CDH6: variants seen among roughly 807,000 people sequenced by gnomAD.
CDH6 encodes the protein cadherin-6.
In CDH6, 31 loss-of-function variants were observed where a neutral mutation model predicts 78.0. The observed-to-expected ratio is 0.40, with a 90% CI of 0.30 to 0.54. The LOEUF is 0.54. Among genes scored for constraint, CDH6 ranks in the 20% least tolerant of loss-of-function variants. The probability of loss-of-function intolerance (pLI) is 0.56; values close to 1 mark genes in which losing one functional copy is unlikely to be tolerated. For missense variants in CDH6, 724 were observed against 975.9 expected, an observed-to-expected ratio of 0.74 and a Z score of 3.44; for synonymous variants, 376 against 368.8, an observed-to-expected ratio of 1.02 and a Z score of -0.23.
intron 6 of CDH6, among the ~76,000 whole-genome samples, chr5:31,302,916 A>AAAGAAAG (rs1561066389): frequency 8.6e-6 from 1 of 116,834 alleles, no homozygotes; most frequent in African/African-American, 2.7e-5. Context: ...AGAAAGAAAG[A>AAAGAAAG]AAGAAAGAAA....
intron 2 of CDH6, among the ~76,000 whole-genome samples, chr5:31,285,749 A>C (rs1742994059): frequency 6.6e-6 from 1 of 152,240 alleles, no homozygotes; most frequent in African/African-American, 2.4e-5. Flanking sequence ...CTGACCCAGC[A>C]TCCAATGTAT....
chr5:31,225,376 G>A (rs188564449), intron 1 of CDH6, among the ~76,000 whole-genome samples: 1 of 152,270 alleles, frequency 6.6e-6, no homozygotes, highest in East Asian at 1.9e-4. Flanking sequence ...GACACAACAT[G>A]AGAGCTCATT....
chr5:31,310,795 C>T (rs1303090526), intron 7 of CDH6, among the ~76,000 whole-genome samples: 2 of 152,220 alleles, frequency 1.3e-5, no homozygotes, highest in Admixed American at 6.5e-5. Context: ...ATGGTGGATC[C>T]ACCAATAGCC....
chr5:31,234,146 C>T lies in CDH6; in HGVS notation c.-128-33200C>T, dbSNP rs1741390524. Among the ~76,000 whole-genome samples the T allele has an allele frequency of 2.6e-5, 4 of 152,086 alleles. No individual in the cohort carries two copies. In the South Asian group the frequency reaches 8.3e-4, roughly 32 times the overall value. ...CTGAAAATATTTAAATGTGTAGCCT[C>T]ATAACAATTGTATTTAAAGGTTTTT... is the stretch of plus-strand genomic sequence containing the variant. On this transcript the variant is annotated intron_variant, in intron 1 of 11. Coordinates refer to ENST00000265071, the MANE Select transcript of CDH6 (RefSeq NM_004932.4).
chr5:31,194,466 A>G (rs972245129), intron 1 of CDH6, among the ~76,000 whole-genome samples: 4 of 152,210 alleles, frequency 2.6e-5, no homozygotes, highest in South Asian at 2.1e-4. Flanking sequence ...CTTAAACTAA[A>G]GAGACGATTT....
At chr5:31,248,148 C>A (rs1741808060) in intron 1 of CDH6, among the ~76,000 whole-genome samples, 1 of 152,150 alleles carries the variant, frequency 6.6e-6, no homozygotes, top group African/African-American at 2.4e-5. Context: ...GGAAAGCTTT[C>A]TTCCTAATGA....
chr5:31,316,422 G>T (rs1324057091), intron 9 of CDH6, 93 bp downstream of exon 9: 6 of 1,128,818 alleles, frequency 5.3e-6, no homozygotes, highest in African/African-American at 1.6e-5. Context: ...AAGGAGAGTT[G>T]TGAATTATCT....
chr5:31,289,918 T>G (rs907214589), intron 2 of CDH6, among the ~76,000 whole-genome samples: 2 of 151,966 alleles, frequency 1.3e-5, no homozygotes, highest in East Asian at 3.9e-4. Context: ...ACCATGGAGC[T>G]ACATCTACAA....
intron 2 of CDH6, among the ~76,000 whole-genome samples, chr5:31,275,506 C>T (rs575154055): frequency 2.0e-5 from 3 of 152,280 alleles, no homozygotes; most frequent in South Asian, 4.2e-4. Context: ...CCTCCAGCTG[C>T]ATCCATGTTG....
intron 2 of CDH6, among the ~76,000 whole-genome samples, chr5:31,269,289 G>GA (rs1742455677): frequency 4.6e-5 from 7 of 151,524 alleles, no homozygotes; most frequent in Non-Finnish European, 1.0e-4. Flanking sequence ...AAAGCGGGGG[G>GA]GGCAGGTTAT....
rs577796137 is a variant in CDH6 at position 31,287,846 on chromosome 5, C to A, written c.229-6116C>A. Among the ~76,000 whole-genome samples, 3 of 152,310 alleles carry A rather than the reference C, an allele frequency of 2.0e-5. No individual in the cohort carries two copies. The South Asian group carries it at 6.2e-4, about 32-fold the overall frequency. On this transcript the variant is annotated intron_variant, in intron 2 of 11. Coordinates refer to ENST00000265071, the MANE Select transcript of CDH6 (RefSeq NM_004932.4). Reference sequence around the variant, plus strand: ...ATGCCAATGTGGCTGGTCCAGGGACCGCACTTTGAGAACCACCGACTTAGG... The same window carrying A: ...ATGCCAATGTGGCTGGTCCAGGGACAGCACTTTGAGAACCACCGACTTAGG...
Position 31,325,628 on chromosome 5 carries a change from A to G in CDH6, c.*2320A>G. 4.3e-6 allele frequency: 1 copy of G among 230,980 alleles called. No homozygotes were observed. Among genetic ancestry groups the G allele is most frequent in the African/African-American group, 2.2e-5 (1 of 45,374 alleles). 14.3% of individuals were successfully genotyped at this position (230,980 alleles called of 1,614,324 possible). ...TTGACACTAGCAGTTTCCAATGTTT[A>G]AAGGTAAGATCTGAGTTCTCCTAAT... On this transcript the variant is annotated 3_prime_UTR_variant, in exon 12 of 12. Transcript: ENST00000265071.
intron 1 of CDH6, among the ~76,000 whole-genome samples, chr5:31,262,798 A>G (rs1742243614): frequency 2.6e-5 from 4 of 152,078 alleles, no homozygotes. Flanking sequence ...CCTGACATCT[A>G]CAAAATGAGC....
intron 2 of CDH6, among the ~76,000 whole-genome samples, chr5:31,269,882 C>T (rs1473656480): frequency 2.0e-5 from 3 of 151,860 alleles, no homozygotes; most frequent in Non-Finnish European, 4.4e-5. Flanking sequence ...GAGATATTTG[C>T]TGGAAAAAAA....
chr5:31,249,352 G>A (rs146649675), intron 1 of CDH6: 9 of 152,218 alleles, frequency 5.9e-5, no homozygotes, highest in East Asian at 3.9e-4. Flanking sequence ...GTTTGATCCC[G>A]AGAACAATCC....
intron 1 of CDH6, among the ~76,000 whole-genome samples, chr5:31,224,376 TG>T (rs1490704874): frequency 6.6e-6 from 1 of 152,198 alleles, no homozygotes; most frequent in Non-Finnish European, 1.5e-5. Context: ...GAGATCTGGG[TG>T]GGGACACAGC....
intron 6 of CDH6, among the ~76,000 whole-genome samples, chr5:31,302,778 AAGAG>A (rs766671272): frequency 0.043 from 2,743 of 64,448 alleles, 167 homozygotes; most frequent in African/African-American, 0.11. Flanking sequence ...AGAAAGAAGA[AAGAG>A]AGAGAGAGAG....
In CDH6 at chr5:31,242,701, T is replaced by TGGG. The variant is rs147969887; in HGVS notation, c.-128-24638_-128-24636dup. On this transcript the variant is annotated intron_variant, in intron 1 of 11. Transcript: ENST00000265071. ...CCTGGTCTTCTCTACAGAATAAGAATGGGGGGGGGCGGTTAGAAGAAAATA... is the reference window on the plus strand; with the variant it reads ...CCTGGTCTTCTCTACAGAATAAGAATGGGGGGGGGGGGCGGTTAGAAGAAAATA... 3.1e-3 allele frequency among the ~76,000 whole-genome samples: 437 copies of TGGG among 139,388 alleles called. 2 individuals are homozygous for TGGG. The highest frequency in any genetic ancestry group is 0.012 in the South Asian group (51 of 4,106). The allele number at this position is 139,388 out of a possible 152,430, so 91.4% of individuals were successfully genotyped here.
chr5:31,289,715 G>A (rs1743105085), intron 2 of CDH6, among the ~76,000 whole-genome samples: 1 of 152,168 alleles, frequency 6.6e-6, no homozygotes, highest in African/African-American at 2.4e-5. Context: ...GTGACTTGGG[G>A]ACACACAGGA....
Sources: gnomAD v4.1 joint callset for allele counts (sites outside exome capture counted in the v4.1 genomes callset) on GRCh38, gnomAD v4.1.1 for gene constraint, MANE v1.5 for transcripts, NCBI Gene and HGNC (gene_info 2026-07-23, HGNC 2026-07-21) for gene names.